Variants in ATG5 observed in about 807,000 individuals in gnomAD.
ATG5 encodes autophagy related 5.
Under a neutral mutation model 36.5 loss-of-function variants are expected in ATG5, and 14 were observed. That is an observed-to-expected ratio of 0.38 (90% CI 0.25 to 0.60). The LOEUF is 0.60. ATG5 is among the 20% of genes least tolerant of loss of function. The pLI, the probability that ATG5 is intolerant of heterozygous loss-of-function variation, is 0.60. For missense variants in ATG5, 195 were observed against 326.7 expected, an observed-to-expected ratio of 0.60 and a Z score of 3.11; for synonymous variants, 95 against 101.5, an observed-to-expected ratio of 0.94 and a Z score of 0.38.
chr6:106,318,304 T>G (rs1171754395), intron 1 of ATG5, among the ~76,000 whole-genome samples: 2 of 152,240 alleles, frequency 1.3e-5, no homozygotes, highest in East Asian at 3.9e-4. Context: ...TTCTCTCCCC[T>G]CTAGGCTGCC....
intron 5 of ATG5, among the ~76,000 whole-genome samples, chr6:106,273,201 A>G (rs76789802): frequency 6.6e-6 from 1 of 152,368 alleles, no homozygotes; most frequent in African/African-American, 2.4e-5. Flanking sequence ...ACCTGCAACT[A>G]CAACAGAACC....
At chr6:106,278,651 C>A (rs150908955) in intron 5 of ATG5, among the ~76,000 whole-genome samples, 44 of 152,318 alleles carry the variant, frequency 2.9e-4, no homozygotes, top group African/African-American at 8.9e-4. Flanking sequence ...ATTCAAATTT[C>A]ATTCCCAACA....
intron 2 of ATG5, among the ~76,000 whole-genome samples, chr6:106,311,693 G>C (rs1245462821): frequency 6.6e-6 from 1 of 152,116 alleles, no homozygotes. Flanking sequence ...ATGATGAAAA[G>C]CCACAAAGGT....
intron 4 of ATG5, among the ~76,000 whole-genome samples, chr6:106,281,216 T>A (rs1444492899): frequency 1.3e-5 from 2 of 152,216 alleles, no homozygotes; most frequent in Non-Finnish European, 2.9e-5. Context: ...GTCAAACTTA[T>A]GATTCACATA....
intron 5 of ATG5, among the ~76,000 whole-genome samples, chr6:106,263,336 C>T (rs62422884): frequency 0.021 from 3,126 of 152,298 alleles, 51 homozygotes; most frequent in Non-Finnish European, 0.033. Context: ...AAGGTAATGG[C>T]CCCACTCATG....
At chr6:106,214,335 G>A (rs1033400272) in intron 6 of ATG5, among the ~76,000 whole-genome samples, 6 of 152,130 alleles carry the variant, frequency 3.9e-5, no homozygotes, top group African/African-American at 1.4e-4. Context: ...GTGGGTGGGA[G>A]TCTGTAGCAC....
intron 3 of ATG5, among the ~76,000 whole-genome samples, chr6:106,297,888 T>C (rs552424804): frequency 1.3e-5 from 2 of 151,152 alleles, no homozygotes; most frequent in South Asian, 4.2e-4. Context: ...CTGAGCAACA[T>C]GGCAAAACCC....
chr6:106,323,472 G>A lies in ATG5; in HGVS notation c.-59+2054C>T, dbSNP rs972671201. On this transcript the variant is annotated intron_variant, in intron 1 of 7. Coordinates refer to ENST00000369076, the MANE Select transcript of ATG5 (RefSeq NM_004849.4). ...TATTTTTTTGTAGAGACAGGGTCTC[G>A]TTATGTCGCCCAGGCTGGGGATTCT... Among the ~76,000 whole-genome samples, 8 of 151,406 alleles carry A rather than the reference G, an allele frequency of 5.3e-5. 1 individual carries two copies. The highest frequency in any genetic ancestry group is 4.2e-4 in the South Asian group (2 of 4,786).
intron 6 of ATG5, chr6:106,217,484 A>AC (rs946878569): frequency 5.3e-5 from 8 of 152,320 alleles, no homozygotes; most frequent in African/African-American, 1.9e-4. Flanking sequence ...CACTGCGTCC[A>AC]CTGTTTGCGA....
At chr6:106,271,572 A>C (rs563824552) in intron 5 of ATG5, 1 of 152,362 alleles carries the variant, frequency 6.6e-6, no homozygotes, top group African/African-American at 2.4e-5. Flanking sequence ...TAATGTAAAC[A>C]GGTCCAATTC....
At chr6:106,279,972 T>C in intron 4 of ATG5, 149 bp from the exon 5 acceptor site, 1 of 465,364 alleles carries the variant, frequency 2.1e-6, no homozygotes, top group Non-Finnish European at 3.4e-6. Flanking sequence ...AAAATTTAAC[T>C]TAAAAATCTT....
intron 5 of ATG5, among the ~76,000 whole-genome samples, chr6:106,249,164 A>G (rs568548900): frequency 6.6e-6 from 1 of 152,284 alleles, no homozygotes; most frequent in African/African-American, 2.4e-5. Context: ...CACCCCTTTT[A>G]AAGTATACAA....
chr6:106,279,978 A>C (rs1779815236), intron 4 of ATG5, among the ~76,000 whole-genome samples, 155 bp from the exon 5 acceptor site: 1 of 152,154 alleles, frequency 6.6e-6, no homozygotes, highest in South Asian at 2.1e-4. Context: ...TAACTTAAAA[A>C]TCTTTAGCTA....
In ATG5 at chr6:106,286,538, C is replaced by T. The variant is rs552390768; in HGVS notation, c.315+6490G>A. ...TTTGCATGACCCTCCATGATTTCCACCACCTGGTATTCCTATCTTTCTATA... is the reference window on the plus strand; with the variant it reads ...TTTGCATGACCCTCCATGATTTCCATCACCTGGTATTCCTATCTTTCTATA... On this transcript the variant is annotated intron_variant, in intron 4 of 7. Transcript: ENST00000369076. Among the ~76,000 whole-genome samples the T allele has an allele frequency of 1.1e-4, 17 of 152,292 alleles. No homozygotes were observed. The South Asian group carries it at 3.5e-3, about 32-fold the overall frequency.
At chr6:106,280,134 CACT>C (rs1420910247) in intron 4 of ATG5, among the ~76,000 whole-genome samples, 2 of 151,944 alleles carry the variant, frequency 1.3e-5, no homozygotes, top group East Asian at 3.8e-4. Context: ...AGCCCTCACA[CACT>C]ACTAACAGAA....
chr6:106,272,300 G>A (rs935361709), intron 5 of ATG5, among the ~76,000 whole-genome samples: 6 of 152,156 alleles, frequency 3.9e-5, no homozygotes, highest in African/African-American at 1.4e-4. Context: ...TGCTTAAAAT[G>A]TTTCACTGGT....
chr6:106,307,779 G>A (rs555114375), intron 3 of ATG5, among the ~76,000 whole-genome samples: 12 of 152,104 alleles, frequency 7.9e-5, no homozygotes, highest in Middle Eastern at 6.8e-3. Context: ...CAGGTGATCC[G>A]CCAGCCTCGG....
chr6:106,274,977 T>C (rs565094012), intron 5 of ATG5, among the ~76,000 whole-genome samples: 2 of 152,318 alleles, frequency 1.3e-5, no homozygotes, highest in South Asian at 2.1e-4. Context: ...CTGCCTCCAC[T>C]TTTCTATAAA....
Position 106,222,530 on chromosome 6 carries a change from T to C in ATG5, c.574-20441A>G, listed in dbSNP as rs1011897529. ...ATGCACTTTCTTTATTAGAAGAAAA[T>C]GGACTGAGGGCAGTAAGCAACCGAA... On this transcript the variant is annotated intron_variant, in intron 6 of 7. Coordinates refer to ENST00000369076, the MANE Select transcript of ATG5 (RefSeq NM_004849.4). Among the ~76,000 whole-genome samples the C allele has an allele frequency of 8.5e-5, 13 of 152,234 alleles. 1 individual carries two copies. In the South Asian group the frequency reaches 2.1e-3, roughly 24 times the overall value.
Sources: allele counts gnomAD v4.1 joint callset (sites outside exome capture counted in the v4.1 genomes callset), GRCh38; gene constraint gnomAD v4.1.1; transcripts MANE v1.5; gene names NCBI Gene and HGNC (gene_info 2026-07-23, HGNC 2026-07-21).